Variants in ENPP2 observed in about 807,000 individuals in gnomAD.
ENPP2 encodes ectonucleotide pyrophosphatase/phosphodiesterase 2.
Under a neutral mutation model 120.2 loss-of-function variants are expected in ENPP2, and 51 were observed. The ratio of observed to expected loss-of-function variants is 0.42; its 90% CI spans 0.34 to 0.54. ENPP2 has a LOEUF of 0.54. ENPP2 is among the 20% of genes least tolerant of loss of function. The probability of loss-of-function intolerance (pLI) is 0.04; values close to 1 mark genes in which losing one functional copy is unlikely to be tolerated. For synonymous variants in ENPP2, 365 were observed against 366.4 expected, an observed-to-expected ratio of 1.00 and a Z score of 0.04; for missense variants, 920 against 1,066.5, an observed-to-expected ratio of 0.86 and a Z score of 1.91.
chr8:119,667,876 G>A (rs1818120804), intron 1 of ENPP2, among the ~76,000 whole-genome samples: 1 of 152,226 alleles, frequency 6.6e-6, no homozygotes, highest in African/African-American at 2.4e-5. Context: ...TCTGGCCTCA[G>A]CCACCACTCC....
At chr8:119,592,958 T>C (rs1813641860) in intron 12 of ENPP2, 8 of 980,958 alleles carry the variant, frequency 8.2e-6, no homozygotes, top group Non-Finnish European at 9.7e-6. Flanking sequence ...AGTCAGCCAA[T>C]TTTCATCCTC....
At chr8:119,611,731 AAGG>A (rs1261831421) in intron 8 of ENPP2, among the ~76,000 whole-genome samples, 1 of 152,148 alleles carries the variant, frequency 6.6e-6, no homozygotes, top group Non-Finnish European at 1.5e-5. Context: ...CCAACTTCAA[AAGG>A]AGGTGGTCAG....
chr8:119,566,863 G>T lies in ENPP2; in HGVS notation c.2131+1312C>A, dbSNP rs185460233. ...TGAAATGCTTCTCAGTTGGGTCTGA[G>T]AACAAACCAAGAAATCTTTTTAAAA... On this transcript the variant is annotated intron_variant, in intron 22 of 24. Coordinates refer to ENST00000075322, the MANE Select transcript of ENPP2 (RefSeq NM_001040092.3). Among the ~76,000 whole-genome samples the T allele has an allele frequency of 1.1e-3, 173 of 152,320 alleles. 1 individual carries two copies. The highest frequency in any genetic ancestry group is 3.1e-3 in the Admixed American group (47 of 15,304).
intron 8 of ENPP2, among the ~76,000 whole-genome samples, chr8:119,608,359 T>C (rs544317256): frequency 2.2e-4 from 33 of 152,356 alleles, no homozygotes; most frequent in African/African-American, 7.9e-4. Context: ...CCTTTACTAT[T>C]GAAAGCCTCA....
upstream of ENPP2, chr8:119,638,938 G>A: frequency 1.2e-6 from 1 of 850,854 alleles, no homozygotes; most frequent in African/African-American, 1.7e-5. Context: ...ACATCACAGG[G>A]TGTTCACAAA....
At chr8:119,586,145 T>C (rs1813092734) in intron 15 of ENPP2, 41 bp downstream of exon 15, 1 of 1,597,046 alleles carries the variant, frequency 6.3e-7, no homozygotes, top group Non-Finnish European at 8.6e-7. Context: ...AAAGGGGTGG[T>C]TGTGGAAATG....
rs1249666685 is a variant in ENPP2 at position 119,638,611 on chromosome 8, A to G, written c.34-84T>C. 48 of 1,019,578 alleles carry G rather than the reference A, an allele frequency of 4.7e-5. 1 individual carries two copies. In the East Asian group the frequency reaches 1.1e-3, roughly 23 times the overall value. The allele number at this position is 1,019,578 out of a possible 1,614,324, so 63.2% of individuals were successfully genotyped here. On this transcript the variant is annotated intron_variant, in intron 1 of 24. Transcript: ENST00000075322. ...CACAAAGGTGATTCAAATGGCTTCA[A>G]TATCAACACCCAATCCTACCACTTC...
At position 119,582,661 on chromosome 8, in the gene ENPP2, T is replaced by C. The variant is rs937500676; in HGVS notation, c.1544-59A>G. Reference sequence around the variant, plus strand: ...CTTATATTTTTTTGATGAGATATGGTAAGATTTAAAACCCTTCACCTTCTA... The same window carrying C: ...CTTATATTTTTTTGATGAGATATGGCAAGATTTAAAACCCTTCACCTTCTA... On this transcript the variant is annotated intron_variant, in intron 17 of 24. Coordinates refer to ENST00000075322, the MANE Select transcript of ENPP2 (RefSeq NM_001040092.3). The C allele has an allele frequency of 2.4e-6, 3 of 1,263,206 alleles. No homozygotes were observed. The African/African-American group carries it at 4.5e-5, about 19-fold the overall frequency. The allele number at this position is 1,263,206 out of a possible 1,614,324, so 78.2% of individuals were successfully genotyped here.
chr8:119,617,904 G>A lies in ENPP2; in HGVS notation c.480-341C>T, dbSNP rs560296374. ...ACAGATGTTGCAGTGAGCTGAGATC[G>A]CACCATTGCACTCCAGCCTGGGCGA... On this transcript the variant is annotated intron_variant, in intron 5 of 24. Transcript: ENST00000075322. Among the ~76,000 whole-genome samples the A allele has an allele frequency of 3.9e-5, 6 of 152,132 alleles. No individual in the cohort carries two copies. The South Asian group carries it at 1.0e-3, about 26-fold the overall frequency.
At chr8:119,670,788 A>G (rs1039305437) in intron 1 of ENPP2, among the ~76,000 whole-genome samples, 2 of 152,216 alleles carry the variant, frequency 1.3e-5, no homozygotes, top group African/African-American at 4.8e-5. Context: ...TATGATATGG[A>G]CAAAATGTAT....
intron 11 of ENPP2, among the ~76,000 whole-genome samples, chr8:119,595,034 C>T (rs548411470): frequency 6.6e-5 from 10 of 152,168 alleles, no homozygotes; most frequent in East Asian, 1.9e-4. Flanking sequence ...GCAGAATAAT[C>T]GGAAGGGACT....
At chr8:119,641,831 G>A (rs981419872), upstream of ENPP2, among the ~76,000 whole-genome samples, 6 of 152,178 alleles carry the variant, frequency 3.9e-5, no homozygotes, top group African/African-American at 1.4e-4. Flanking sequence ...CACGTTTATG[G>A]AGATAAGACC....
At chr8:119,617,614 A>C in intron 5 of ENPP2, 51 bp from the exon 6 acceptor site, 19 of 1,273,126 alleles carry the variant, frequency 1.5e-5, no homozygotes, top group Non-Finnish European at 2.0e-5. Flanking sequence ...CAGAGTTGCC[A>C]TTACGCCTAG....
chr8:119,570,871 G>A, intron 19 of ENPP2, 30 bp from the exon 20 acceptor site: 2 of 1,436,044 alleles, frequency 1.4e-6, no homozygotes, highest in Non-Finnish European at 9.2e-7. Context: ...AACTGTGTTA[G>A]GTGCATATTA....
intron 2 of ENPP2, among the ~76,000 whole-genome samples, chr8:119,638,064 T>TCCTA (rs1176851275): frequency 6.6e-6 from 1 of 152,186 alleles, no homozygotes; most frequent in African/African-American, 2.4e-5. Flanking sequence ...AAATACTACA[T>TCCTA]CCTATATCAT....
At chr8:119,558,672 G>A (rs909818283) in intron 24 of ENPP2, among the ~76,000 whole-genome samples, 1 of 151,018 alleles carries the variant, frequency 6.6e-6, no homozygotes, top group African/African-American at 2.4e-5. Context: ...AGATCTGAGA[G>A]CCCTGTGAAT....
chr8:119,577,522 G>A (rs1587368427), intron 19 of ENPP2, among the ~76,000 whole-genome samples: 1 of 152,210 alleles, frequency 6.6e-6, no homozygotes, highest in East Asian at 1.9e-4. Context: ...AAGAGACAGC[G>A]ATAGGAGAGA....
chr8:119,669,341 A>G (rs1818173125), intron 1 of ENPP2, among the ~76,000 whole-genome samples: 1 of 152,252 alleles, frequency 6.6e-6, no homozygotes, highest in Non-Finnish European at 1.5e-5. Flanking sequence ...TATTGAGTAT[A>G]ACCATGTTTC....
At chr8:119,604,941 T>C (rs967745712) in intron 9 of ENPP2, among the ~76,000 whole-genome samples, 1 of 151,866 alleles carries the variant, frequency 6.6e-6, no homozygotes, top group African/African-American at 2.4e-5. Flanking sequence ...GCCTGGCTAA[T>C]TTTTTGTATT....
Sources: allele counts gnomAD v4.1 joint callset (sites outside exome capture counted in the v4.1 genomes callset), GRCh38; gene constraint gnomAD v4.1.1; transcripts MANE v1.5; gene names NCBI Gene and HGNC (gene_info 2026-07-23, HGNC 2026-07-21).